The following FHIT variants were observed in gnomAD, a reference collection of about 807,000 sequenced individuals.
The protein encoded by FHIT is bis(5'-adenosyl)-triphosphatase.
In FHIT, 19 loss-of-function variants were observed where a neutral mutation model predicts 17.9. That is an observed-to-expected ratio of 1.06 (90% CI 0.74 to 1.56). FHIT has a LOEUF of 1.56. FHIT is among the 40% of genes most tolerant of loss of function. The pLI is 0.00. For missense variants in FHIT, 248 were observed against 189.2 expected (o/e 1.31, Z -1.82); for synonymous variants, 81 against 69.7 (o/e 1.16, Z -0.81).
chr3:61,228,133 G>A (rs1257422653), intron 1 of FHIT, among the ~76,000 whole-genome samples: 2 of 151,644 alleles, frequency 1.3e-5, no homozygotes, highest in Non-Finnish European at 2.9e-5. Flanking sequence ...TACCACATTG[G>A]CATAAGAATT....
intron 4 of FHIT, among the ~76,000 whole-genome samples, chr3:60,705,537 G>T (rs559084542): frequency 6.6e-6 from 1 of 152,258 alleles, no homozygotes; most frequent in South Asian, 2.1e-4. Context: ...TATTGAATTC[G>T]GGTTTGAAAT....
Position 61,183,550 on chromosome 3 carries a change from T to C in FHIT, c.-164+17067A>G, listed in dbSNP as rs183249009. Reference sequence around the variant, plus strand: ...CTCCTTGTTACAAACTGTGCAATCTTGGTCAACTTACCTAACCTCTCTGAA... The same window carrying C: ...CTCCTTGTTACAAACTGTGCAATCTCGGTCAACTTACCTAACCTCTCTGAA... On this transcript the variant is annotated intron_variant, in intron 2 of 9. Coordinates refer to ENST00000492590, the MANE Select transcript of FHIT (RefSeq NM_002012.4). 3.9e-3 allele frequency among the ~76,000 whole-genome samples: 599 copies of C among 152,342 alleles called. 4 individuals are homozygous for C. The highest frequency in any genetic ancestry group is 6.8e-3 in the Middle Eastern group (2 of 294).
At chr3:60,151,294 C>G (rs1356678929) in intron 5 of FHIT, among the ~76,000 whole-genome samples, 1 of 152,090 alleles carries the variant, frequency 6.6e-6, no homozygotes, top group Non-Finnish European at 1.5e-5. Flanking sequence ...AGTTTACATT[C>G]CTGAATATAA....
At chr3:60,892,383 T>C (rs1273171427) in intron 3 of FHIT, among the ~76,000 whole-genome samples, 1 of 152,160 alleles carries the variant, frequency 6.6e-6, no homozygotes, top group Non-Finnish European at 1.5e-5. Flanking sequence ...ACCCACCAAC[T>C]CAACCAGCCC....
intron 5 of FHIT, among the ~76,000 whole-genome samples, chr3:60,307,669 A>G (rs1708741329): frequency 6.6e-6 from 1 of 152,130 alleles, no homozygotes; most frequent in Admixed American, 6.6e-5. Context: ...TTTTGTTCCC[A>G]GGAAAAGAGG....
At chr3:60,206,357 G>A (rs1005715925) in intron 5 of FHIT, among the ~76,000 whole-genome samples, 25 of 152,004 alleles carry the variant, frequency 1.6e-4, no homozygotes, top group African/African-American at 5.8e-4. Context: ...CTGTGTATCT[G>A]AGCTTCAGAT....
intron 3 of FHIT, among the ~76,000 whole-genome samples, chr3:60,946,512 T>G (rs568673082): frequency 3.3e-5 from 5 of 152,074 alleles, no homozygotes; most frequent in African/African-American, 1.2e-4. Context: ...GGGAGAGATA[T>G]TTGCAAGTGA....
chr3:60,497,125 T>C (rs187868070), intron 5 of FHIT, among the ~76,000 whole-genome samples: 121 of 151,976 alleles, frequency 8.0e-4, no homozygotes, highest in African/African-American at 2.7e-3. Context: ...GGAGGGGGCA[T>C]GGTATTGTAT....
At chr3:61,250,590 T>TGTG (rs1372444737) in intron 1 of FHIT, among the ~76,000 whole-genome samples, 4 of 152,166 alleles carry the variant, frequency 2.6e-5, no homozygotes, top group Admixed American at 2.0e-4. Context: ...GAGGGCAGAA[T>TGTG]GTGAGCCTAC....
intron 5 of FHIT, among the ~76,000 whole-genome samples, chr3:60,166,758 TG>T (rs1434429675): frequency 6.6e-6 from 1 of 152,186 alleles, no homozygotes; most frequent in Non-Finnish European, 1.5e-5. Context: ...AGCATATTTT[TG>T]TTTTCTCTTT....
chr3:60,007,263 G>A (rs1189797073), intron 7 of FHIT, among the ~76,000 whole-genome samples: 1 of 152,142 alleles, frequency 6.6e-6, no homozygotes, highest in East Asian at 1.9e-4. Context: ...TGCCTTAATG[G>A]TTAGATTAGA....
chr3:60,146,579 A>G (rs1700251363), intron 5 of FHIT, among the ~76,000 whole-genome samples: 1 of 152,170 alleles, frequency 6.6e-6, no homozygotes, highest in African/African-American at 2.4e-5. Context: ...CCACAGAGGA[A>G]TGAAGTATTC....
At chr3:60,912,697 C>CT (rs1706807429) in intron 3 of FHIT, 1 of 500,090 alleles carries the variant, frequency 2.0e-6, no homozygotes, top group South Asian at 1.5e-5. Context: ...CCAGAGGAAT[C>CT]TATGTAACAA....
intron 4 of FHIT, among the ~76,000 whole-genome samples, chr3:60,662,850 T>C (rs141763714): frequency 2.7e-4 from 41 of 152,128 alleles, no homozygotes; most frequent in South Asian, 8.3e-4. Flanking sequence ...ACATTTATTT[T>C]TTAAAATTGT....
At chr3:60,155,904 T>C (rs1170393669) in intron 5 of FHIT, among the ~76,000 whole-genome samples, 9 of 152,186 alleles carry the variant, frequency 5.9e-5, no homozygotes. Flanking sequence ...CCAGTGTTAC[T>C]TATTGCCAAG....
chr3:59,896,314 A>G (rs1704068256), intron 8 of FHIT, among the ~76,000 whole-genome samples: 1 of 152,248 alleles, frequency 6.6e-6, no homozygotes, highest in African/African-American at 2.4e-5. Context: ...GTTCATATAC[A>G]TGAACTAGTC....
chr3:60,378,078 G>A (rs1313192816), intron 5 of FHIT, among the ~76,000 whole-genome samples: 1 of 151,896 alleles, frequency 6.6e-6, no homozygotes, highest in Non-Finnish European at 1.5e-5. Flanking sequence ...CCAGGCTGGA[G>A]TGCAGTGGCG....
At chr3:60,459,519 A>G (rs991616349) in intron 5 of FHIT, among the ~76,000 whole-genome samples, 1 of 152,238 alleles carries the variant, frequency 6.6e-6, no homozygotes, top group Admixed American at 6.5e-5. Flanking sequence ...TAGCTACCAC[A>G]GATACATAGG....
chr3:61,215,745 T>C (rs1296331718), intron 1 of FHIT, among the ~76,000 whole-genome samples: 2 of 152,138 alleles, frequency 1.3e-5, no homozygotes, highest in Non-Finnish European at 2.9e-5. Flanking sequence ...CTTCAAACTA[T>C]ACTACAAGGC....
Sources: allele counts gnomAD v4.1 joint callset (sites outside exome capture counted in the v4.1 genomes callset), GRCh38; gene constraint gnomAD v4.1.1; transcripts MANE v1.5; gene names NCBI Gene and HGNC (gene_info 2026-07-23, HGNC 2026-07-21).